Variants in MON2 observed in about 807,000 individuals in gnomAD.
The protein encoded by MON2 is MON2 regulator of endosome-to-Golgi trafficking.
A neutral mutation model predicts 208.6 loss-of-function variants in MON2; 84 were observed. That is an observed-to-expected ratio of 0.40 (90% CI 0.34 to 0.48). The LOEUF (loss-of-function observed/expected upper bound fraction) is 0.48, where lower values mean the gene tolerates loss of function less well. MON2 is among the 20% of genes least tolerant of loss of function. The pLI, the probability that MON2 is intolerant of heterozygous loss-of-function variation, is 0.59. For synonymous variants in MON2, 660 were observed against 694.0 expected (o/e 0.95, Z 0.77); for missense variants, 1,611 against 2,015.4 (o/e 0.80, Z 3.84).
chr12:62,569,051 G>T (rs1280770509), intron 29 of MON2, among the ~76,000 whole-genome samples: 1 of 152,096 alleles, frequency 6.6e-6, no homozygotes, highest in African/African-American at 2.4e-5. Flanking sequence ...ATTGGACAAG[G>T]CTCTTTCTCC....
chr12:62,485,209 A>G (rs1388546316), intron 2 of MON2, among the ~76,000 whole-genome samples: 1 of 152,358 alleles, frequency 6.6e-6, no homozygotes, highest in East Asian at 1.9e-4. Context: ...TGCTTGCTTC[A>G]GTGATCCTTT....
chr12:62,586,169 G>A (rs1046391674), intron 33 of MON2, among the ~76,000 whole-genome samples: 1 of 152,152 alleles, frequency 6.6e-6, no homozygotes, highest in African/African-American at 2.4e-5. Flanking sequence ...AGAGTTTAAG[G>A]CATAACTAAT....
chr12:62,570,472 C>G (rs888202121), intron 29 of MON2, among the ~76,000 whole-genome samples: 4 of 152,060 alleles, frequency 2.6e-5, no homozygotes, highest in African/African-American at 9.7e-5. Flanking sequence ...TGGGAAAATA[C>G]AGTCATGTAC....
chr12:62,508,558 C>T (rs889596479), intron 8 of MON2, 78 bp downstream of exon 8: 2 of 1,348,562 alleles, frequency 1.5e-6, no homozygotes, highest in South Asian at 2.4e-5. Context: ...TGTTGTAGCG[C>T]ATTTAGTTTT....
At chr12:62,505,124 A>G (rs181807285) in intron 7 of MON2, among the ~76,000 whole-genome samples, 3 of 152,354 alleles carry the variant, frequency 2.0e-5, no homozygotes, top group Admixed American at 2.0e-4. Context: ...GTGGAAGATG[A>G]AAAAGGCAGT....
rs960484324 is a variant in MON2 at position 62,588,964 on chromosome 12, T to G, written c.4990+808T>G. The G allele has an allele frequency of 5.0e-6, 6 of 1,211,694 alleles. No individual in the cohort carries two copies. The African/African-American group carries it at 9.3e-5, about 19-fold the overall frequency. 75.1% of individuals were successfully genotyped at this position (1,211,694 alleles called of 1,614,324 possible). On this transcript the variant is annotated intron_variant, in intron 34 of 34. Coordinates refer to ENST00000393630, the MANE Select transcript of MON2 (RefSeq NM_015026.3). ...GAATGCAAAGCTTTTTTATGTGTAC[T>G]TGTCTCGAAGCACTCTATTTGTATT... is the stretch of plus-strand genomic sequence containing the variant.
At chr12:62,576,893 A>G (rs571923670) in intron 30 of MON2, among the ~76,000 whole-genome samples, 1 of 152,006 alleles carries the variant, frequency 6.6e-6, no homozygotes, top group South Asian at 2.1e-4. Context: ...GTTGAAATAA[A>G]CACACTAATA....
intron 30 of MON2, among the ~76,000 whole-genome samples, chr12:62,577,253 A>G (rs1246294862): frequency 6.6e-6 from 1 of 152,060 alleles, no homozygotes. Flanking sequence ...TTTTTACTCT[A>G]GTTCCTACTA....
Position 62,571,401 on chromosome 12 carries a change from G to C in MON2, c.4333G>C (p.Val1445Leu), listed in dbSNP as rs149042861. Residue 1445 changes from valine (V) to leucine (L), a missense_variant, in exon 30 of 35, where the codon GTT (valine) becomes CTT (leucine). Transcript: ENST00000393630. Reference protein sequence around the residue: ...VLQNIIKTLRVPLSLKYSCPS... With the variant: ...VLQNIIKTLRLPLSLKYSCPS... Reference sequence around the variant, plus strand: ...CTGTCTTTATTTTCAGACTCTTAGGGTTCCTCTCAGTTTGAAGTATTCCTG... The same window carrying C: ...CTGTCTTTATTTTCAGACTCTTAGGCTTCCTCTCAGTTTGAAGTATTCCTG... 1.0e-5 allele frequency: 16 copies of C among 1,600,666 alleles called. No homozygotes were observed. The Admixed American group carries it at 1.9e-4, about 19-fold the overall frequency.
chr12:62,586,279 C>A (rs1251294066), intron 33 of MON2, among the ~76,000 whole-genome samples: 1 of 152,154 alleles, frequency 6.6e-6, no homozygotes, highest in African/African-American at 2.4e-5. Flanking sequence ...AGAGGCAAAT[C>A]ACCAGTGTTA....
Position 62,560,719 on chromosome 12 carries a change from AT to A in MON2, c.3640del (p.Ser1214ProfsTer6). ...SGMSRPFVRTDSIGEKLGRYS... is the reference protein window; with the variant it reads ...SGMSRPFVRTXSIGEKLGRYS... ...ATGAGCAGGCCATTTGTAAGAACAG[AT>A]TCCATTGGAGAAAAACTAGGAAGAT... On this transcript the variant is annotated frameshift_variant, in exon 26 of 35. Coordinates refer to ENST00000393630, the MANE Select transcript of MON2 (RefSeq NM_015026.3). LOFTEE classifies it high-confidence loss of function. The A allele has an allele frequency of 1.2e-6, 2 of 1,614,142 alleles. No homozygotes were observed. Among genetic ancestry groups the A allele is most frequent in the South Asian group, 2.2e-5 (2 of 91,076 alleles).
intron 2 of MON2, among the ~76,000 whole-genome samples, chr12:62,491,926 T>C (rs1451314829): frequency 1.3e-5 from 2 of 152,202 alleles, no homozygotes; most frequent in Non-Finnish European, 2.9e-5. Context: ...ATTGAAGCTT[T>C]ATGAGGAGCT....
chr12:62,474,523 C>T lies in MON2; in HGVS notation c.111+7205C>T, dbSNP rs550891027. Among the ~76,000 whole-genome samples the T allele has an allele frequency of 5.3e-5, 8 of 152,256 alleles. No individual in the cohort carries two copies. In the East Asian group the frequency reaches 5.8e-4, roughly 11 times the overall value. ...CACCGCAACTTCTGCCTCCCGGGTT[C>T]GAGTGATTCTCTTGCCTCAGCTTCC... On this transcript the variant is annotated intron_variant, in intron 1 of 34. Coordinates refer to ENST00000393630, the MANE Select transcript of MON2 (RefSeq NM_015026.3).
intron 1 of MON2, among the ~76,000 whole-genome samples, chr12:62,467,773 C>G (rs1387065100): frequency 6.6e-6 from 1 of 152,192 alleles, no homozygotes; most frequent in African/African-American, 2.4e-5. Context: ...AACTCTGTAT[C>G]AATCCTTTGA....
intron 8 of MON2, among the ~76,000 whole-genome samples, chr12:62,511,719 G>T (rs1603823): frequency 7.2e-5 from 11 of 152,192 alleles, no homozygotes; most frequent in Non-Finnish European, 1.5e-4. Flanking sequence ...TTTCCTGACT[G>T]TGATACTAAA....
rs2075484693 is a variant in MON2 at position 62,594,673 on chromosome 12, A to G, written c.*1924A>G. ...CTTGAGAAATAAAAGATCAGTTGCA[A>G]TTAGGATAATTAAATAGTTAAATAT... On this transcript the variant is annotated 3_prime_UTR_variant, in exon 35 of 35. Coordinates refer to ENST00000393630, the MANE Select transcript of MON2 (RefSeq NM_015026.3). 6.6e-6 allele frequency: 1 copy of G among 152,246 alleles called. No homozygotes were observed. The highest frequency in any genetic ancestry group is 6.5e-5 in the Admixed American group (1 of 15,284). The allele number at this position is 152,246 out of a possible 1,614,324, so 9.4% of individuals were successfully genotyped here. A position where few individuals can be genotyped will look rare whatever the true frequency, so the allele number is the denominator to read the frequency against.
chr12:62,538,602 T>C (rs2073089536), intron 19 of MON2, 97 bp downstream of exon 19: 1 of 816,584 alleles, frequency 1.2e-6, no homozygotes, highest in Middle Eastern at 3.7e-4. Flanking sequence ...GAACTAACAC[T>C]CAGATTGTAT....
chr12:62,551,146 A>G (rs942922081), intron 23 of MON2, among the ~76,000 whole-genome samples: 9 of 151,970 alleles, frequency 5.9e-5, no homozygotes, highest in African/African-American at 1.9e-4. Flanking sequence ...TATCCTGTGC[A>G]TTCACAACTT....
At position 62,567,222 on chromosome 12, in the gene MON2, C is replaced by T. The variant is rs535635595; in HGVS notation, c.4323+772C>T. ...TGTATAAATACCAGACCAACTTGAG[C>T]TGTCTTCTCTAAAGACTCATCTATC... is the stretch of plus-strand genomic sequence containing the variant. On this transcript the variant is annotated intron_variant, in intron 29 of 34. Coordinates refer to ENST00000393630, the MANE Select transcript of MON2 (RefSeq NM_015026.3). 1.4e-3 allele frequency among the ~76,000 whole-genome samples: 217 copies of T among 152,310 alleles called. 1 individual carries two copies. The highest frequency in any genetic ancestry group is 2.2e-3 in the Admixed American group (34 of 15,302).
Sources: allele counts gnomAD v4.1 joint callset (sites outside exome capture counted in the v4.1 genomes callset), GRCh38; gene constraint gnomAD v4.1.1; transcripts MANE v1.5; gene names NCBI Gene and HGNC (gene_info 2026-07-23, HGNC 2026-07-21).